Variants in MDM2 observed in about 807,000 individuals in gnomAD.
MDM2 encodes MDM2 proto-oncogene, also known as E3 ubiquitin-protein ligase Mdm2.
A neutral mutation model predicts 64.3 loss-of-function variants in MDM2; 11 were observed. The ratio of observed to expected loss-of-function variants is 0.17; its 90% CI spans 0.11 to 0.28. The LOEUF is 0.28. Ranked by LOEUF, MDM2 falls within the 10% of genes least tolerant of loss-of-function variation. MDM2 has a pLI of 1.00. For missense variants in MDM2, 388 were observed against 577.1 expected (o/e 0.67, Z 3.36); for synonymous variants, 194 against 192.9 (o/e 1.01, Z -0.05).
In MDM2 at chr12:68,824,407, C is replaced by T. The variant is rs770802264; in HGVS notation, c.403C>T (p.Leu135Phe). Residue 135 changes from leucine (L) to phenylalanine (F), a missense_variant, in exon 6 of 11, where the codon CTT (leucine) becomes TTT (phenylalanine). By Grantham distance (22) the Leu-to-Phe change is conservative (BLOSUM62 0). This residue lies in a region of MDM2 where 168 missense variants were observed against 236.6 expected (regional missense o/e 0.71). Coordinates refer to ENST00000258149, the MANE Select transcript of MDM2 (RefSeq NM_002392.6). ...ATCTGTGAGTGAGAACAGGTGTCAC[C>T]TTGAAGGTGGGAGTGATCAAAAGGT... ...GTSVSENRCH[L>F]EGGSDQKDLV... 1.2e-6 allele frequency: 2 copies of T among 1,613,726 alleles called. No homozygotes were observed. The highest frequency in any genetic ancestry group is 1.7e-6 in the Non-Finnish European group (2 of 1,179,872).
At chr12:68,829,810 G>A (rs531597772) in intron 8 of MDM2, among the ~76,000 whole-genome samples, 54 of 151,706 alleles carry the variant, frequency 3.6e-4, no homozygotes, top group Non-Finnish European at 6.6e-4. Context: ...CATGGATGAC[G>A]GGAGAGTATC....
chr12:68,839,854 C>T lies in MDM2; in HGVS notation c.*5C>T, dbSNP rs710633. On this transcript the variant is annotated 3_prime_UTR_variant, in exon 11 of 11. Coordinates refer to ENST00000258149, the MANE Select transcript of MDM2 (RefSeq NM_002392.6). The stretch of plus-strand genomic sequence containing the variant: ...GTGCTAACTTATTTCCCCTAGTTGA[C>T]CTGTCTATAAGAGAATTATATATTT... 0.013 allele frequency: 20,190 copies of T among 1,612,542 alleles called. 169 individuals are homozygous for T. Among genetic ancestry groups the T allele is most frequent in the South Asian group, 0.022 (1,977 of 90,966 alleles).
At chr12:68,821,193 G>A (rs1306325573) in intron 5 of MDM2, among the ~76,000 whole-genome samples, 1 of 151,888 alleles carries the variant, frequency 6.6e-6, no homozygotes, top group Non-Finnish European at 1.5e-5. Context: ...GACTACAGGC[G>A]TATGCCACCA....
intron 8 of MDM2, 43 bp from the exon 9 acceptor site, chr12:68,835,786 A>G: frequency 6.3e-7 from 1 of 1,577,820 alleles, no homozygotes; most frequent in Non-Finnish European, 8.6e-7. Flanking sequence ...ACAGAGGTCA[A>G]GAGGTGATGT....
chr12:68,835,101 C>T (rs531931590), intron 8 of MDM2, among the ~76,000 whole-genome samples: 10 of 152,142 alleles, frequency 6.6e-5, no homozygotes, highest in East Asian at 5.8e-4. Context: ...TGTCTTGTTA[C>T]GTGTATTCTA....
intron 4 of MDM2, among the ~76,000 whole-genome samples, chr12:68,817,869 C>T (rs1881520412): frequency 1.3e-5 from 2 of 151,952 alleles, no homozygotes; most frequent in Admixed American, 1.3e-4. Flanking sequence ...ATGATCTTGG[C>T]TCACTGCAAC....
chr12:68,842,235 G>T lies in MDM2; in HGVS notation c.*2386G>T, dbSNP rs1883827062. The stretch of plus-strand genomic sequence containing the variant: ...ACAAATGCCAAGCTATATTTATAAT[G>T]AACAAATTCAAGAAAAAGGACTACG... On this transcript the variant is annotated 3_prime_UTR_variant, in exon 11 of 11. Transcript: ENST00000258149. 8.0e-6 allele frequency: 4 copies of T among 498,196 alleles called. No individual in the cohort carries two copies. In the East Asian group the frequency reaches 1.9e-4, roughly 23 times the overall value. 30.9% of individuals were successfully genotyped at this position (498,196 alleles called of 1,614,324 possible).
At chr12:68,828,646 A>G (rs1882537826) in intron 7 of MDM2, 125 bp from the exon 8 acceptor site, 1 of 721,688 alleles carries the variant, frequency 1.4e-6, no homozygotes, top group African/African-American at 1.8e-5. Flanking sequence ...GACAGATTCA[A>G]TAAAACAGTG....
At chr12:68,818,573 AATT>A (rs1400285544) in intron 4 of MDM2, among the ~76,000 whole-genome samples, 2 of 148,224 alleles carry the variant, frequency 1.3e-5, no homozygotes, top group South Asian at 2.1e-4. Flanking sequence ...CATATAATAT[AATT>A]ATATATATTA....
chr12:68,839,356 A>G lies in MDM2; in HGVS notation c.1001A>G (p.Asn334Ser). ...AACAGATGTTGGGCCCTTCGTGAGA[A>G]TTGGCTTCCTGAAGATAAAGGGAAA... ...HCNRCWALRENWLPEDKGKDK... is the reference protein window; with the variant it reads ...HCNRCWALRESWLPEDKGKDK... The change falls in exon 11 of 11, where the codon AAT becomes AGT. Residue 334 changes from asparagine to serine, a missense_variant. By Grantham distance (46) the Asn-to-Ser change is conservative (BLOSUM62 1). Transcript: ENST00000258149. The G allele has an allele frequency of 6.2e-7, 1 of 1,613,992 alleles. No individual in the cohort carries two copies. Among genetic ancestry groups the G allele is most frequent in the South Asian group, 1.1e-5 (1 of 91,074 alleles).
At chr12:68,825,066 T>C (rs1040520371) in intron 7 of MDM2, among the ~76,000 whole-genome samples, 1 of 151,826 alleles carries the variant, frequency 6.6e-6, no homozygotes, top group Non-Finnish European at 1.5e-5. Flanking sequence ...AAAAAGTAGC[T>C]GGGCCTGGTG....
chr12:68,833,245 T>C (rs1882974377), intron 8 of MDM2, among the ~76,000 whole-genome samples: 1 of 73,000 alleles, frequency 1.4e-5, no homozygotes, highest in South Asian at 3.3e-4. Flanking sequence ...TATATTACAT[T>C]GTTATATATA....
chr12:68,839,802 G>C lies in MDM2; in HGVS notation c.1447G>C (p.Val483Leu). The C allele has an allele frequency of 6.2e-7, 1 of 1,614,092 alleles. No homozygotes were observed. The highest frequency in any genetic ancestry group is 1.1e-5 in the South Asian group (1 of 91,088). The change falls in exon 11 of 11, where the codon GTA (valine) becomes CTA (leucine). Residue 483 changes from valine (V) to leucine (L), a missense_variant. Transcript: ENST00000258149. Reference sequence around the variant, plus strand: ...AAAGAAAAGGAATAAGCCCTGCCCAGTATGTAGACAACCAATTCAAATGAT... The same window carrying C: ...AAAGAAAAGGAATAAGCCCTGCCCACTATGTAGACAACCAATTCAAATGAT... ...KLKKRNKPCP[V>L]CRQPIQMIVL...
downstream of MDM2, chr12:68,847,092 C>T (rs529746680): frequency 1.4e-5 from 2 of 147,754 alleles, no homozygotes; most frequent in South Asian, 4.2e-4. Context: ...GGAACACAGG[C>T]CTGTTGCCAC....
Position 68,843,738 on chromosome 12 carries a change from A to T in MDM2, c.*3889A>T, listed in dbSNP as rs543869982. Reference sequence around the variant, plus strand: ...CTCTGTCTGTCTCAATAAATGGCCAAAGGGATTAGTAGTTTACCTGTGGAG... The same window carrying T: ...CTCTGTCTGTCTCAATAAATGGCCATAGGGATTAGTAGTTTACCTGTGGAG... On this transcript the variant is annotated 3_prime_UTR_variant, in exon 11 of 11. Coordinates refer to ENST00000258149, the MANE Select transcript of MDM2 (RefSeq NM_002392.6). The T allele has an allele frequency of 4.5e-6, 1 of 222,306 alleles. No homozygotes were observed. The highest frequency in any genetic ancestry group is 9.0e-6 in the Non-Finnish European group (1 of 111,320). The allele number at this position is 222,306 out of a possible 1,614,324, so 13.8% of individuals were successfully genotyped here.
intron 8 of MDM2, 99 bp from the exon 9 acceptor site, chr12:68,835,730 C>T (rs569795510): frequency 8.3e-7 from 1 of 1,203,678 alleles, no homozygotes; most frequent in African/African-American, 1.5e-5. Context: ...AACTGTTACA[C>T]CCTGCTGGCA....
chr12:68,836,056 T>C, intron 9 of MDM2, 72 bp downstream of exon 9: 1 of 1,276,762 alleles, frequency 7.8e-7, no homozygotes, highest in Non-Finnish European at 1.1e-6. Context: ...GACTTTGAGA[T>C]TGAAATAATA....
chr12:68,818,511 C>G (rs910822435), intron 4 of MDM2, among the ~76,000 whole-genome samples: 2 of 148,592 alleles, frequency 1.3e-5, no homozygotes, highest in African/African-American at 4.9e-5. Flanking sequence ...ATTTAAATTT[C>G]ATCTAGCTTC....
intron 4 of MDM2, 52 bp from the exon 5 acceptor site, chr12:68,820,273 T>G: frequency 7.2e-7 from 1 of 1,382,080 alleles, no homozygotes. Context: ...TAATACAAAT[T>G]TTTATTCTAA....
Sources: gnomAD v4.1 joint callset for allele counts (sites outside exome capture counted in the v4.1 genomes callset) on GRCh38, gnomAD v4.1.1 for gene constraint, gnomAD v4.1.1 regional missense constraint, MANE v1.5 for transcripts, NCBI Gene and HGNC (gene_info 2026-07-23, HGNC 2026-07-21) for gene names.